Variants in PCSK6 observed in about 807,000 individuals in gnomAD.
The protein encoded by PCSK6 is proprotein convertase subtilisin/kexin type 6.
Under a neutral mutation model 123.3 loss-of-function variants are expected in PCSK6, and 85 were observed. That is an observed-to-expected ratio of 0.69 (90% confidence interval 0.58 to 0.83). The LOEUF is 0.83. Ranked by LOEUF, PCSK6 falls within the 40% of genes least tolerant of loss-of-function variation. PCSK6 has a pLI of 0.00. For missense variants in PCSK6, 1,191 were observed against 1,282.3 expected, an observed-to-expected ratio of 0.93 and a Z score of 1.09; for synonymous variants, 508 against 516.0, an observed-to-expected ratio of 0.98 and a Z score of 0.21.
chr15:101,361,269 T>C (rs944187364), intron 13 of PCSK6, among the ~76,000 whole-genome samples: 1 of 152,094 alleles, frequency 6.6e-6, no homozygotes, highest in Admixed American at 6.5e-5. Context: ...TATCTCTCTA[T>C]TATAGGAAGA....
Position 101,313,285 on chromosome 15 carries a change from G to A in PCSK6, c.2699+91C>T, listed in dbSNP as rs80278342. ...TGGGGTGATGCAACATGCCCTCCCC[G>A]GCCCCTGGGGAAGATGCTGCCAGAC... On this transcript the variant is annotated intron_variant, in intron 20 of 21. Coordinates refer to ENST00000611716, the MANE Select transcript of PCSK6 (RefSeq NM_002570.5). 3.9e-3 allele frequency: 6,203 copies of A among 1,603,642 alleles called. 32 individuals carry two copies. The highest frequency in any genetic ancestry group is 0.013 in the African/African-American group (948 of 74,810).
intron 1 of PCSK6, among the ~76,000 whole-genome samples, chr15:101,458,095 G>A (rs111824966): frequency 2.0e-3 from 298 of 152,274 alleles, no homozygotes; most frequent in African/African-American, 6.7e-3. Flanking sequence ...AGACACATTC[G>A]TCCTGCTCTC....
intron 7 of PCSK6, among the ~76,000 whole-genome samples, chr15:101,395,642 G>A (rs969876147): frequency 6.6e-6 from 1 of 152,178 alleles, no homozygotes; most frequent in Non-Finnish European, 1.5e-5. Context: ...GAAGCCATGG[G>A]ACAGAAGCTG....
chr15:101,432,723 G>C (rs1225514924), intron 2 of PCSK6, among the ~76,000 whole-genome samples: 2 of 152,026 alleles, frequency 1.3e-5, no homozygotes, highest in African/African-American at 4.8e-5. Context: ...TTGTGAAATT[G>C]CCGATAAATT....
chr15:101,479,652 T>C (rs956715408), intron 1 of PCSK6, among the ~76,000 whole-genome samples: 1 of 151,978 alleles, frequency 6.6e-6, no homozygotes, highest in Admixed American at 6.6e-5. Flanking sequence ...GGGTACAAGA[T>C]AGGTGAGCAG....
Position 101,389,451 on chromosome 15 carries a change from A to T in PCSK6, c.1310+13T>A. On this transcript the variant is annotated intron_variant, in intron 9 of 21. Transcript: ENST00000611716. ...CATTTTTTTTTTTTAGAAAAAGGTAAGTGGGAACTTACTTTGCTTCTAGAG... is the reference window on the plus strand; with the variant it reads ...CATTTTTTTTTTTTAGAAAAAGGTATGTGGGAACTTACTTTGCTTCTAGAG... The T allele has an allele frequency of 6.3e-7, 1 of 1,591,486 alleles. No individual in the cohort carries two copies. Among genetic ancestry groups the T allele is most frequent in the Non-Finnish European group, 8.6e-7 (1 of 1,159,942 alleles).
At chr15:101,463,716 T>G (rs1303889412) in intron 1 of PCSK6, among the ~76,000 whole-genome samples, 1 of 152,138 alleles carries the variant, frequency 6.6e-6, no homozygotes, top group Admixed American at 6.5e-5. Context: ...CATTCATGAT[T>G]ATACATGATA....
intron 19 of PCSK6, among the ~76,000 whole-genome samples, chr15:101,315,570 G>C (rs1047058145): frequency 1.3e-5 from 2 of 152,258 alleles, no homozygotes; most frequent in African/African-American, 2.4e-5. Flanking sequence ...TGCCACGACA[G>C]GGACTAAAAC....
At chr15:101,431,233 C>G in intron 4 of PCSK6, 87 bp downstream of exon 4, 1 of 1,390,598 alleles carries the variant, frequency 7.2e-7, no homozygotes, top group Non-Finnish European at 1.0e-6. Context: ...TGGGGGAGAT[C>G]GGGACCTTAC....
intron 1 of PCSK6, among the ~76,000 whole-genome samples, chr15:101,447,954 C>T (rs1037037860): frequency 6.6e-6 from 1 of 152,276 alleles, no homozygotes; most frequent in Non-Finnish European, 1.5e-5. Flanking sequence ...GGCGCTGCCT[C>T]CACCATCCCA....
intron 2 of PCSK6, among the ~76,000 whole-genome samples, chr15:101,433,360 G>C (rs2056504856): frequency 6.6e-6 from 1 of 152,206 alleles, no homozygotes; most frequent in South Asian, 2.1e-4. Flanking sequence ...AAGGATCTTG[G>C]GGTAAAGACT....
chr15:101,336,211 C>T (rs2086678), intron 13 of PCSK6, among the ~76,000 whole-genome samples: 92,690 of 152,090 alleles, frequency 0.61, 29,014 homozygotes, highest in African/African-American at 0.76. Flanking sequence ...ATCTCTGTTC[C>T]TTAGTTTCCT....
At chr15:101,317,692 G>T (rs916251523) in intron 19 of PCSK6, among the ~76,000 whole-genome samples, 1 of 152,160 alleles carries the variant, frequency 6.6e-6, no homozygotes, top group African/African-American at 2.4e-5. Context: ...GAGACAAGAT[G>T]GCTTATGAGT....
chr15:101,308,973 G>A (rs567034466), intron 20 of PCSK6: 1 of 152,468 alleles, frequency 6.6e-6, no homozygotes, highest in South Asian at 2.1e-4. Flanking sequence ...GAAGAACTGT[G>A]GTGAGGAGCG....
At chr15:101,313,831 C>T (rs2039927774) in intron 19 of PCSK6, 1 of 245,934 alleles carries the variant, frequency 4.1e-6, no homozygotes, top group African/African-American at 2.2e-5. Context: ...ACTTGGAAAT[C>T]CAGTGCCAAA....
intron 13 of PCSK6, among the ~76,000 whole-genome samples, chr15:101,342,733 C>G (rs1204121766): frequency 6.6e-6 from 1 of 152,240 alleles, no homozygotes; most frequent in Non-Finnish European, 1.5e-5. Context: ...AAAACCCTGT[C>G]TCTGCTAAAA....
intron 13 of PCSK6, among the ~76,000 whole-genome samples, chr15:101,354,437 G>A (rs1003789491): frequency 2.6e-5 from 4 of 152,190 alleles, no homozygotes; most frequent in African/African-American, 9.7e-5. Flanking sequence ...AAGAAACTAC[G>A]TGTCTTTTTA....
At chr15:101,480,343 T>C (rs1596168726) in intron 1 of PCSK6, among the ~76,000 whole-genome samples, 1 of 152,260 alleles carries the variant, frequency 6.6e-6, no homozygotes, top group Non-Finnish European at 1.5e-5. Context: ...GAGCCACAGG[T>C]CGGGCGTGGC....
chr15:101,477,505 G>A (rs2057762683), intron 1 of PCSK6, among the ~76,000 whole-genome samples: 2 of 152,164 alleles, frequency 1.3e-5, no homozygotes, highest in Admixed American at 6.5e-5. Context: ...GAGTGTGCAC[G>A]CACACACTCA....
Sources: gnomAD v4.1 joint callset for allele counts (sites outside exome capture counted in the v4.1 genomes callset) on GRCh38, gnomAD v4.1.1 for gene constraint, MANE v1.5 for transcripts, NCBI Gene and HGNC (gene_info 2026-07-23, HGNC 2026-07-21) for gene names.